Variants in ARHGEF4 observed in about 807,000 individuals in gnomAD.
ARHGEF4 encodes Rho guanine nucleotide exchange factor 4, also known as APC-stimulated guanine nucleotide exchange factor 1.
In ARHGEF4, 119 loss-of-function variants were observed where a neutral mutation model predicts 162.0. The ratio of observed to expected loss-of-function variants is 0.73; its 90% CI spans 0.63 to 0.86. ARHGEF4 has a LOEUF of 0.86. Among genes scored for constraint, ARHGEF4 ranks in the 40% least tolerant of loss-of-function variants. The pLI is 0.00. For missense variants in ARHGEF4, 2,488 were observed against 2,456.0 expected, an observed-to-expected ratio of 1.01 and a Z score of -0.28; for synonymous variants, 1,014 against 979.9, an observed-to-expected ratio of 1.03 and a Z score of -0.65.
chr2:130,872,628 T>A (rs1382488778), intron 1 of ARHGEF4, among the ~76,000 whole-genome samples: 1 of 152,206 alleles, frequency 6.6e-6, no homozygotes, highest in Non-Finnish European at 1.5e-5. Context: ...GCAAGTCTTT[T>A]AATGGGGTTT....
In ARHGEF4 at chr2:131,038,946, A is replaced by G. The variant is rs768230713; in HGVS notation, c.4219A>G (p.Ile1407Val). The change falls in exon 6 of 14, where the codon ATC becomes GTC. Residue 1407 changes from isoleucine to valine, a missense_variant. Ile to Val is a conservative substitution (Grantham distance 29). Transcript: ENST00000409359. ...GCTGGGCTTCAAAGCTGGGGACGTC[A>G]TCGAAGTGATGGATGCCACCAACAG... ...QELGFKAGDV[I>V]EVMDATNREW... 6.2e-7 allele frequency: 1 copy of G among 1,613,768 alleles called. No homozygotes were observed. The highest frequency in any genetic ancestry group is 1.7e-5 in the Admixed American group (1 of 60,022).
chr2:130,992,333 A>G (rs191933175), intron 4 of ARHGEF4, among the ~76,000 whole-genome samples: 1 of 151,584 alleles, frequency 6.6e-6, no homozygotes, highest in African/African-American at 2.4e-5. Flanking sequence ...CGCTCTTTGC[A>G]ATAAATCTTG....
At chr2:130,842,534 G>T (rs1454781950) in intron 1 of ARHGEF4, among the ~76,000 whole-genome samples, 1 of 152,190 alleles carries the variant, frequency 6.6e-6, no homozygotes, top group Non-Finnish European at 1.5e-5. Flanking sequence ...AGCGCACCCG[G>T]CAGTCCTTGG....
chr2:131,003,994 G>A (rs998509081), intron 4 of ARHGEF4, among the ~76,000 whole-genome samples: 4 of 152,166 alleles, frequency 2.6e-5, no homozygotes, highest in African/African-American at 9.7e-5. Context: ...CTTTGGTTGG[G>A]AGAGATGGGG....
chr2:130,967,820 C>G (rs1311929785), intron 4 of ARHGEF4, among the ~76,000 whole-genome samples: 2 of 152,238 alleles, frequency 1.3e-5, no homozygotes, highest in Non-Finnish European at 2.9e-5. Flanking sequence ...AGGGTACAGA[C>G]TGAAGTCAAC....
chr2:130,991,555 G>C (rs750573210), intron 4 of ARHGEF4, among the ~76,000 whole-genome samples: 2 of 152,226 alleles, frequency 1.3e-5, no homozygotes. Context: ...GGCCGGCCCT[G>C]CCGGCCCCGG....
chr2:130,854,116 A>G (rs1488540856), intron 1 of ARHGEF4, among the ~76,000 whole-genome samples: 1 of 152,200 alleles, frequency 6.6e-6, no homozygotes, highest in Non-Finnish European at 1.5e-5. Flanking sequence ...GAGAAACGGT[A>G]AATAAAAAAA....
intron 1 of ARHGEF4, among the ~76,000 whole-genome samples, chr2:130,899,379 T>C (rs1256850820): frequency 6.6e-6 from 1 of 152,156 alleles, no homozygotes; most frequent in East Asian, 1.9e-4. Context: ...CACACAGCAC[T>C]GTGCAGCACT....
rs534660411 is a variant in ARHGEF4, at chr2:130,850,357, A to C, written c.39+13365A>C. On this transcript the variant is annotated intron_variant, in intron 1 of 13. Transcript: ENST00000409359. ...ACACCATGGAGAGCTGTTGTTTCTGATGATACCCGTGTCCCAAGTCTGCCT... is the reference window on the plus strand; with the variant it reads ...ACACCATGGAGAGCTGTTGTTTCTGCTGATACCCGTGTCCCAAGTCTGCCT... Among the ~76,000 whole-genome samples, 5 of 152,226 alleles carry C rather than the reference A, an allele frequency of 3.3e-5. No homozygotes were observed. The South Asian group carries it at 1.0e-3, about 32-fold the overall frequency.
At chr2:130,918,822 TTTG>T (rs1269012526) in intron 2 of ARHGEF4, among the ~76,000 whole-genome samples, 2 of 152,216 alleles carry the variant, frequency 1.3e-5, no homozygotes, top group Non-Finnish European at 2.9e-5. Flanking sequence ...CTAAAGGTTT[TTTG>T]TTGTTTTGGG....
chr2:130,838,877 C>T (rs1439489637), intron 1 of ARHGEF4, among the ~76,000 whole-genome samples: 2 of 152,316 alleles, frequency 1.3e-5, no homozygotes, highest in Admixed American at 1.3e-4. Context: ...GACCACTGGA[C>T]ATCTCTGGGC....
chr2:131,023,225 T>C (rs572246086), intron 4 of ARHGEF4, among the ~76,000 whole-genome samples: 1 of 152,040 alleles, frequency 6.6e-6, no homozygotes, highest in East Asian at 1.9e-4. Flanking sequence ...GGCCAGGAGC[T>C]CATGACTAGC....
intron 4 of ARHGEF4, among the ~76,000 whole-genome samples, chr2:131,005,090 G>A (rs1469983932): frequency 6.6e-6 from 1 of 152,200 alleles, no homozygotes; most frequent in African/African-American, 2.4e-5. Flanking sequence ...GTGGTGAGGA[G>A]GGAGCCAGGG....
At chr2:131,045,921 T>C in intron 13 of ARHGEF4, 117 bp from the exon 14 acceptor site, 1 of 1,496,866 alleles carries the variant, frequency 6.7e-7, no homozygotes, top group East Asian at 2.3e-5. Flanking sequence ...GTGGCAAAAC[T>C]GCCTCCTACG....
chr2:130,953,672 A>C (rs1029349281), intron 4 of ARHGEF4, among the ~76,000 whole-genome samples: 1 of 152,366 alleles, frequency 6.6e-6, no homozygotes, highest in South Asian at 2.1e-4. Context: ...CAAAGGGCTA[A>C]CATCCAGAAT....
intron 1 of ARHGEF4, among the ~76,000 whole-genome samples, chr2:130,856,326 G>T (rs1404167597): frequency 6.6e-6 from 1 of 152,090 alleles, no homozygotes; most frequent in Non-Finnish European, 1.5e-5. Context: ...GAAAAAGAAT[G>T]AAGAAAAATG....
At chr2:131,000,044 A>C (rs992168787) in intron 4 of ARHGEF4, among the ~76,000 whole-genome samples, 3 of 152,258 alleles carry the variant, frequency 2.0e-5, no homozygotes, top group Admixed American at 6.5e-5. Flanking sequence ...TTATTCTGTT[A>C]CAGCAGAACT....
At position 131,035,734 on chromosome 2, in the gene ARHGEF4, C is replaced by T. The variant is rs145200152; in HGVS notation, c.4126-3119C>T. The T allele has an allele frequency of 2.6e-3, 2,568 of 985,484 alleles. 3 individuals are homozygous for T. Among genetic ancestry groups the T allele is most frequent in the South Asian group, 3.7e-3 (78 of 21,290 alleles). The allele number at this position is 985,484 out of a possible 1,614,324, so 61.0% of individuals were successfully genotyped here. ...AAAATACGTGGTGTCAGTCTTCCCA[C>T]GGGCAGAGCCCCTCTGCCCCCCTTG... On this transcript the variant is annotated intron_variant, in intron 5 of 13. Transcript: ENST00000409359.
At chr2:130,911,002 A>C (rs1303523156) in intron 1 of ARHGEF4, among the ~76,000 whole-genome samples, 1 of 152,186 alleles carries the variant, frequency 6.6e-6, no homozygotes, top group Non-Finnish European at 1.5e-5. Context: ...GACACATAGG[A>C]AAGTGTGCAT....
Sources: gnomAD v4.1 joint callset for allele counts (sites outside exome capture counted in the v4.1 genomes callset) on GRCh38, gnomAD v4.1.1 for gene constraint, MANE v1.5 for transcripts, NCBI Gene and HGNC (gene_info 2026-07-23, HGNC 2026-07-21) for gene names.